C1orf87: variants seen among roughly 807,000 people sequenced by gnomAD.
C1orf87 encodes the protein chromosome 1 open reading frame 87.
C1orf87 carries 58 observed loss-of-function variants against 60.5 expected under a neutral mutation model. The observed-to-expected ratio is 0.96, with a 90% confidence interval of 0.78 to 1.19. The LOEUF (loss-of-function observed/expected upper bound fraction) is 1.19, where lower values mean the gene tolerates loss of function less well. C1orf87 is among the 50% of genes most tolerant of loss of function. The probability of loss-of-function intolerance (pLI) is 0.00; values close to 1 mark genes in which losing one functional copy is unlikely to be tolerated. For synonymous variants in C1orf87, 236 were observed against 227.4 expected (o/e 1.04, Z -0.34); for missense variants, 673 against 638.6 (o/e 1.05, Z -0.58).
At chr1:59,999,142 T>C (rs1435453602) in intron 10 of C1orf87, among the ~76,000 whole-genome samples, 1 of 152,160 alleles carries the variant, frequency 6.6e-6, no homozygotes, top group African/African-American at 2.4e-5. Context: ...GTAAGTGCAA[T>C]AAGAAGCCAA....
chr1:60,036,587 C>T (rs1645278789), intron 6 of C1orf87, among the ~76,000 whole-genome samples: 1 of 152,140 alleles, frequency 6.6e-6, no homozygotes, highest in African/African-American at 2.4e-5. Context: ...TGAAGTGTAT[C>T]ATGCCCATTT....
Position 60,032,432 on chromosome 1 carries a change from GTTTTTTT to G in C1orf87, c.1029+1037_1029+1043del, listed in dbSNP as rs11376932. Among the ~76,000 whole-genome samples, 5 of 88,570 alleles carry G rather than the reference GTTTTTTT, an allele frequency of 5.6e-5. No homozygotes were observed. The Admixed American group carries it at 7.1e-4, about 13-fold the overall frequency. The allele number at this position is 88,570 out of a possible 152,430, so 58.1% of individuals were successfully genotyped here. ...TTCAATTGGCCTCTTTGAGACTCAGGTTTTTTTTTTTTTTTTTTTTTTTGAGACTGAG... is the reference window on the plus strand; with the variant it reads ...TTCAATTGGCCTCTTTGAGACTCAGGTTTTTTTTTTTTTTTTGAGACTGAG... On this transcript the variant is annotated intron_variant, in intron 7 of 11. Transcript: ENST00000371201.
chr1:60,023,082 A>G (rs569547262), intron 8 of C1orf87, among the ~76,000 whole-genome samples: 1 of 152,268 alleles, frequency 6.6e-6, no homozygotes, highest in South Asian at 2.1e-4. Context: ...GGGGAAGGCT[A>G]CTATAATTTG....
chr1:59,990,890 G>T, intron 11 of C1orf87, 57 bp from the exon 12 acceptor site: 3 of 1,540,196 alleles, frequency 1.9e-6, no homozygotes, highest in Non-Finnish European at 2.7e-6. Context: ...GGAAAACAGA[G>T]AAAACTATAT....
chr1:60,043,222 T>G (rs1645339613), intron 3 of C1orf87, among the ~76,000 whole-genome samples: 1 of 152,142 alleles, frequency 6.6e-6, no homozygotes, highest in Admixed American at 6.5e-5. Flanking sequence ...CATCTACGCT[T>G]TATTCTGAGG....
At chr1:60,060,723 A>G (rs919804574) in intron 2 of C1orf87, among the ~76,000 whole-genome samples, 1 of 152,182 alleles carries the variant, frequency 6.6e-6, no homozygotes, top group African/African-American at 2.4e-5. Context: ...TTAGTATTAA[A>G]AATCTATTCT....
intron 8 of C1orf87, among the ~76,000 whole-genome samples, chr1:60,011,781 T>G (rs893659087): frequency 5.3e-5 from 8 of 152,250 alleles, no homozygotes; most frequent in African/African-American, 1.7e-4. Context: ...TTGCTTATAC[T>G]TCATGAAGGC....
chr1:60,038,282 T>C (rs1026451939), intron 5 of C1orf87, among the ~76,000 whole-genome samples, 175 bp from the exon 6 acceptor site: 1 of 152,156 alleles, frequency 6.6e-6, no homozygotes, highest in Non-Finnish European at 1.5e-5. Flanking sequence ...TATTTTCCCT[T>C]CTGGACAAAT....
At chr1:60,008,756 C>A (rs1377453757) in intron 9 of C1orf87, 1 of 447,390 alleles carries the variant, frequency 2.2e-6, no homozygotes, top group Admixed American at 2.5e-5. Context: ...TCAATGGTCT[C>A]CTCATTGAAA....
At chr1:60,013,005 A>C (rs1249551687) in intron 8 of C1orf87, among the ~76,000 whole-genome samples, 2 of 151,994 alleles carry the variant, frequency 1.3e-5, no homozygotes, top group African/African-American at 4.8e-5. Flanking sequence ...ATTTGTAATT[A>C]ATTTTCTCTT....
intron 8 of C1orf87, among the ~76,000 whole-genome samples, chr1:60,013,112 A>G (rs1160459015): frequency 6.6e-6 from 1 of 152,138 alleles, no homozygotes; most frequent in Non-Finnish European, 1.5e-5. Context: ...AATGATGTGA[A>G]TACATTTTTT....
At chr1:60,055,081 T>G in intron 3 of C1orf87, 123 bp downstream of exon 3, 1 of 915,448 alleles carries the variant, frequency 1.1e-6, no homozygotes, top group Non-Finnish European at 1.7e-6. Flanking sequence ...TGATTCTTAC[T>G]TCTATCTCAT....
At chr1:60,012,460 T>C (rs1409586808) in intron 8 of C1orf87, among the ~76,000 whole-genome samples, 3 of 152,138 alleles carry the variant, frequency 2.0e-5, no homozygotes, top group Non-Finnish European at 4.4e-5. Context: ...ACCAATACAA[T>C]TTTTAAGATC....
At chr1:60,005,790 T>A (rs1339521827) in intron 9 of C1orf87, among the ~76,000 whole-genome samples, 1 of 150,284 alleles carries the variant, frequency 6.7e-6, no homozygotes, top group Non-Finnish European at 1.5e-5. Flanking sequence ...TGTGTGTGTG[T>A]GCTTCTCAGC....
Position 60,040,206 on chromosome 1 carries a change from G to A in C1orf87, c.484-26C>T, listed in dbSNP as rs373685840. Reference sequence around the variant, plus strand: ...CTAACACAACAATGAAAAACAAAGAGCAAGACTCTTCAATCAGCCGGCTAA... The same window carrying A: ...CTAACACAACAATGAAAAACAAAGAACAAGACTCTTCAATCAGCCGGCTAA... On this transcript the variant is annotated intron_variant, in intron 4 of 11. Transcript: ENST00000371201. The A allele has an allele frequency of 1.0e-5, 16 of 1,593,138 alleles. No individual in the cohort carries two copies. The African/African-American group carries it at 1.1e-4, about 11-fold the overall frequency.
chr1:60,029,578 C>T (rs1170823034), intron 7 of C1orf87, among the ~76,000 whole-genome samples: 1 of 150,692 alleles, frequency 6.6e-6, no homozygotes, highest in Non-Finnish European at 1.5e-5. Context: ...CATGTCAGTG[C>T]TTTCACATTG....
chr1:60,010,386 A>T lies in C1orf87; in HGVS notation c.1192+6T>A. ...CTCTCTGGAGCAAAAAAATAATGGA[A>T]CTCACCTGTAGGCAAATCAGATAAC... On this transcript the variant is annotated splice_donor_region_variant and intron_variant, in intron 9 of 11. Transcript: ENST00000371201. The T allele has an allele frequency of 6.2e-7, 1 of 1,611,120 alleles. No individual in the cohort carries two copies. The highest frequency in any genetic ancestry group is 8.5e-7 in the Non-Finnish European group (1 of 1,177,972).
At chr1:60,058,790 C>A (rs1645474492) in intron 2 of C1orf87, among the ~76,000 whole-genome samples, 1 of 152,132 alleles carries the variant, frequency 6.6e-6, no homozygotes, top group African/African-American at 2.4e-5. Flanking sequence ...GAGGAAGGTC[C>A]ATGGAAGTTT....
intron 8 of C1orf87, among the ~76,000 whole-genome samples, chr1:60,012,329 G>A (rs556486298): frequency 3.9e-5 from 6 of 152,160 alleles, no homozygotes; most frequent in African/African-American, 1.4e-4. Flanking sequence ...AACGCCTCTG[G>A]ATAAAATGAC....
Sources: gnomAD v4.1 joint callset for allele counts (sites outside exome capture counted in the v4.1 genomes callset) on GRCh38, gnomAD v4.1.1 for gene constraint, MANE v1.5 for transcripts, NCBI Gene and HGNC (gene_info 2026-07-23, HGNC 2026-07-21) for gene names.